The following SLC9A9 variants were observed in gnomAD, a reference collection of about 807,000 sequenced individuals.
SLC9A9 encodes the protein solute carrier family 9 member A9.
SLC9A9 carries 62 observed loss-of-function variants against 77.8 expected under a neutral mutation model. That is an observed-to-expected ratio of 0.80 (90% CI 0.65 to 0.98). The LOEUF is 0.98. Ranked by LOEUF, SLC9A9 falls within the 50% of genes least tolerant of loss-of-function variation. SLC9A9 has a pLI of 0.00. For missense variants in SLC9A9, 775 were observed against 774.9 expected, an observed-to-expected ratio of 1.00 and a Z score of 0.00; for synonymous variants, 320 against 283.5, an observed-to-expected ratio of 1.13 and a Z score of -1.29.
rs1359000576 is a variant in SLC9A9 at position 143,284,419 on chromosome 3, TG to T, written c.1605-15440del. Among the ~76,000 whole-genome samples, 12 of 151,388 alleles carry T rather than the reference TG, an allele frequency of 7.9e-5. 1 individual carries two copies. Among genetic ancestry groups the T allele is most frequent in the South Asian group, 2.1e-4 (1 of 4,778 alleles). ...GGCCCTTTCTATTTTTTTTTTTTTTTGAAACCAAATTTGAAATCACCCTCAG... is the reference window on the plus strand; with the variant it reads ...GGCCCTTTCTATTTTTTTTTTTTTTTAAACCAAATTTGAAATCACCCTCAG... On this transcript the variant is annotated intron_variant, in intron 14 of 15. Transcript: ENST00000316549.
At chr3:143,541,191 G>A (rs977350298) in intron 9 of SLC9A9, among the ~76,000 whole-genome samples, 19 of 152,170 alleles carry the variant, frequency 1.2e-4, no homozygotes, top group Non-Finnish European at 2.6e-4. Context: ...CAACTTTAGA[G>A]ACTAGTTAAT....
chr3:143,470,599 T>C (rs1193916458), intron 11 of SLC9A9, among the ~76,000 whole-genome samples: 1 of 152,176 alleles, frequency 6.6e-6, no homozygotes, highest in African/African-American at 2.4e-5. Flanking sequence ...ACATTAGAAG[T>C]ATTAGACAAT....
Position 143,795,281 on chromosome 3 carries a change from G to GGA in SLC9A9, c.457-205_457-204insTC, listed in dbSNP as rs1553794657. On this transcript the variant is annotated intron_variant, in intron 3 of 15. Coordinates refer to ENST00000316549, the MANE Select transcript of SLC9A9 (RefSeq NM_173653.4). ...GACTGGAGGGAAAAGTCAAGAAGCA[G>GGA]AAAAAAAAAAAAAAAAAAACCCACT... Among the ~76,000 whole-genome samples the GGA allele has an allele frequency of 8.3e-5, 6 of 72,176 alleles. No individual in the cohort carries two copies. The East Asian group carries it at 1.5e-3, about 18-fold the overall frequency. The allele number at this position is 72,176 out of a possible 152,430, so 47.4% of individuals were successfully genotyped here. A position where few individuals can be genotyped will look rare whatever the true frequency, so the allele number is the denominator to read the frequency against.
At chr3:143,406,847 A>T (rs914673631) in intron 12 of SLC9A9, among the ~76,000 whole-genome samples, 1 of 151,946 alleles carries the variant, frequency 6.6e-6, no homozygotes, top group Non-Finnish European at 1.5e-5. Context: ...ATGGTGGCGC[A>T]TGCCTGTAAC....
At chr3:143,525,141 T>C (rs551069040) in intron 9 of SLC9A9, among the ~76,000 whole-genome samples, 25 of 152,344 alleles carry the variant, frequency 1.6e-4, no homozygotes, top group East Asian at 7.7e-4. Context: ...GGGTTACCTA[T>C]GTAAAAAATG....
chr3:143,470,300 A>G (rs2035356296), intron 11 of SLC9A9, among the ~76,000 whole-genome samples: 2 of 151,894 alleles, frequency 1.3e-5, no homozygotes, highest in Non-Finnish European at 1.5e-5. Flanking sequence ...CCAACATAGT[A>G]AAACCCTGCC....
chr3:143,782,036 C>T, intron 4 of SLC9A9, among the ~76,000 whole-genome samples: 1 of 152,214 alleles, frequency 6.6e-6, no homozygotes, highest in East Asian at 1.9e-4. Flanking sequence ...ACATTTCTCA[C>T]TGTGATGGTT....
chr3:143,837,588 G>A (rs1057017273), intron 1 of SLC9A9, among the ~76,000 whole-genome samples: 1 of 152,256 alleles, frequency 6.6e-6, no homozygotes, highest in South Asian at 2.1e-4. Flanking sequence ...TTGATCGCCA[G>A]CCCAATGTCT....
intron 14 of SLC9A9, among the ~76,000 whole-genome samples, chr3:143,312,561 C>G (rs903665498): frequency 6.6e-6 from 1 of 152,230 alleles, no homozygotes; most frequent in East Asian, 1.9e-4. Flanking sequence ...GTTCCATCAT[C>G]CTGCTTTTCT....
In SLC9A9 at chr3:143,502,361, T is replaced by C. The variant is rs934772342; in HGVS notation, c.1090-6913A>G. ...TGTGTTTAAAAACTCTGAACGCTCA[T>C]GGTAACCATTCATATGTTAATTAAG... On this transcript the variant is annotated intron_variant, in intron 9 of 15. Transcript: ENST00000316549. Among the ~76,000 whole-genome samples the C allele has an allele frequency of 3.3e-5, 5 of 152,156 alleles. 1 individual carries two copies. The highest frequency in any genetic ancestry group is 1.2e-4 in the African/African-American group (5 of 41,402).
At chr3:143,607,386 G>T (rs1268910829) in intron 6 of SLC9A9, among the ~76,000 whole-genome samples, 2 of 152,060 alleles carry the variant, frequency 1.3e-5, no homozygotes, top group African/African-American at 4.8e-5. Flanking sequence ...TGTTAAACAT[G>T]TAGAGAAGCC....
At chr3:143,548,974 G>T (rs767195060) in intron 9 of SLC9A9, among the ~76,000 whole-genome samples, 2 of 152,100 alleles carry the variant, frequency 1.3e-5, no homozygotes, top group Non-Finnish European at 2.9e-5. Context: ...TTTACTAATT[G>T]GCTTCCTACA....
chr3:143,338,404 A>G (rs561796471), intron 14 of SLC9A9, among the ~76,000 whole-genome samples: 5 of 152,326 alleles, frequency 3.3e-5, no homozygotes, highest in South Asian at 4.1e-4. Flanking sequence ...GAGCAGTGTT[A>G]TATTTAACAA....
chr3:143,364,880 GA>G (rs1339798407), intron 13 of SLC9A9, among the ~76,000 whole-genome samples: 3 of 152,154 alleles, frequency 2.0e-5, no homozygotes, highest in Admixed American at 2.0e-4. Context: ...GTCCCCTAGA[GA>G]ATCACTGTTC....
intron 11 of SLC9A9, among the ~76,000 whole-genome samples, chr3:143,492,750 T>C (rs965926929): frequency 3.9e-5 from 6 of 152,212 alleles, no homozygotes; most frequent in African/African-American, 1.4e-4. Flanking sequence ...TAATAAATGT[T>C]CATTTCTCTC....
intron 1 of SLC9A9, among the ~76,000 whole-genome samples, chr3:143,835,051 G>A (rs2009534371): frequency 6.6e-6 from 1 of 152,070 alleles, no homozygotes; most frequent in Admixed American, 6.6e-5. Context: ...ATGGCTCAGG[G>A]ACCCATCATT....
chr3:143,791,757 T>TC (rs1334249332), intron 4 of SLC9A9, among the ~76,000 whole-genome samples: 1 of 152,116 alleles, frequency 6.6e-6, no homozygotes, highest in African/African-American at 2.4e-5. Context: ...TCTGAATCTC[T>TC]CCCCCTGCCC....
chr3:143,786,571 C>A (rs1254302401), intron 4 of SLC9A9, among the ~76,000 whole-genome samples: 3 of 152,178 alleles, frequency 2.0e-5, no homozygotes, highest in Non-Finnish European at 4.4e-5. Context: ...CCTTTTGTTT[C>A]TTTTTCCCAA....
At position 143,796,864 on chromosome 3, in the gene SLC9A9, G is replaced by A. The variant is rs775143452; in HGVS notation, c.418C>T (p.Pro140Ser). Residue 140 changes from proline to serine, a missense_variant, in exon 3 of 16, where the codon CCA (proline) becomes TCA (serine). Pro to Ser is a moderately conservative substitution (Grantham distance 74). Coordinates refer to ENST00000316549, the MANE Select transcript of SLC9A9 (RefSeq NM_173653.4). ...DPEIFFNVLL[P>S]PIIFHAGYSL... is the part of the protein sequence containing the mutation. ...TATCCTGCATGAAATATAATTGGTG[G>A]CAGTAAAACATTGAAGAAGATTTCT... 1 of 1,611,588 alleles carries A rather than the reference G, an allele frequency of 6.2e-7. No homozygotes were observed. Among genetic ancestry groups the A allele is most frequent in the Non-Finnish European group, 8.5e-7 (1 of 1,178,444 alleles).
Sources: gnomAD v4.1 joint callset for allele counts (sites outside exome capture counted in the v4.1 genomes callset) on GRCh38, gnomAD v4.1.1 for gene constraint, MANE v1.5 for transcripts, NCBI Gene and HGNC (gene_info 2026-07-23, HGNC 2026-07-21) for gene names.